SGCD: variants seen among roughly 807,000 people sequenced by gnomAD.
The protein encoded by SGCD is sarcoglycan delta.
SGCD carries 18 observed loss-of-function variants against 36.6 expected under a neutral mutation model. The observed-to-expected ratio is 0.49, with a 90% CI of 0.34 to 0.73. SGCD has a LOEUF of 0.73. Ranked by LOEUF, SGCD falls within the 30% of genes least tolerant of loss-of-function variation. SGCD has a pLI of 0.01. For missense variants in SGCD, 387 were observed against 346.7 expected (o/e 1.12, Z -0.92); for synonymous variants, 133 against 130.6 (o/e 1.02, Z -0.12).
rs1442046664 is a variant in SGCD, at chr5:156,766,165, T to C, written c.*6775T>C. On this transcript the variant is annotated 3_prime_UTR_variant, in exon 9 of 9. Coordinates refer to ENST00000337851, the MANE Select transcript of SGCD (RefSeq NM_000337.6). Reference sequence around the variant, plus strand: ...TTCTGCACACATACATCTCTTTCCTTTATACTTCCCTTCAAAAGACAAATA... The same window carrying C: ...TTCTGCACACATACATCTCTTTCCTCTATACTTCCCTTCAAAAGACAAATA... 6.6e-6 allele frequency: 1 copy of C among 152,132 alleles called. No homozygotes were observed. The highest frequency in any genetic ancestry group is 2.4e-5 in the African/African-American group (1 of 41,424). The allele number at this position is 152,132 out of a possible 1,614,324, so 9.4% of individuals were successfully genotyped here. A position where few individuals can be genotyped will look rare whatever the true frequency, so the allele number is the denominator to read the frequency against.
chr5:156,148,908 G>GC (rs1369439698), intron 3 of SGCD, among the ~76,000 whole-genome samples: 3 of 152,130 alleles, frequency 2.0e-5, no homozygotes, highest in Admixed American at 6.6e-5. Flanking sequence ...AGGTATATCC[G>GC]CAAGAGTGCT....
intron 1 of SGCD, among the ~76,000 whole-genome samples, chr5:155,908,591 T>A (rs1331495375): frequency 6.6e-6 from 1 of 152,144 alleles, no homozygotes; most frequent in East Asian, 1.9e-4. Flanking sequence ...TATTTCTACA[T>A]AATTCTAAAG....
intron 1 of SGCD, among the ~76,000 whole-genome samples, chr5:155,993,160 C>A (rs1379398395): frequency 6.6e-6 from 1 of 152,088 alleles, no homozygotes; most frequent in Non-Finnish European, 1.5e-5. Flanking sequence ...CCCATTTTCC[C>A]TTCAGTCCTT....
chr5:156,611,930 T>A (rs1761830413), intron 6 of SGCD, among the ~76,000 whole-genome samples: 1 of 152,240 alleles, frequency 6.6e-6, no homozygotes, highest in African/African-American at 2.4e-5. Flanking sequence ...TTTCTGGGGT[T>A]TTTATAATTA....
chr5:156,576,601 TATA>T (rs1759968759), intron 4 of SGCD, among the ~76,000 whole-genome samples: 1 of 152,250 alleles, frequency 6.6e-6, no homozygotes, highest in Non-Finnish European at 1.5e-5. Flanking sequence ...TTCCCAATTT[TATA>T]ATGATCGCCA....
At chr5:156,384,457 G>C (rs913609352) in intron 3 of SGCD, among the ~76,000 whole-genome samples, 5 of 152,084 alleles carry the variant, frequency 3.3e-5, no homozygotes, top group Non-Finnish European at 7.4e-5. Flanking sequence ...CTTTCACTAG[G>C]ATAGGAATTC....
chr5:156,272,387 G>A (rs1402386264), intron 3 of SGCD, among the ~76,000 whole-genome samples: 1 of 152,218 alleles, frequency 6.6e-6, no homozygotes, highest in African/African-American at 2.4e-5. Flanking sequence ...ATTCCGTGGT[G>A]TATATATACC....
At chr5:155,860,523 G>A in the SGCD span, among the ~76,000 whole-genome samples, 2 of 152,178 alleles carry the variant, frequency 1.3e-5, no homozygotes, top group African/African-American at 4.8e-5. Flanking sequence ...ATCAGAACTA[G>A]GAGCTTGATA....
chr5:156,639,712 C>T (rs1762957902), intron 6 of SGCD, among the ~76,000 whole-genome samples: 1 of 152,008 alleles, frequency 6.6e-6, no homozygotes, highest in South Asian at 2.1e-4. Context: ...CTTTTCTATT[C>T]CTCTCCTTAA....
intron 8 of SGCD, among the ~76,000 whole-genome samples, chr5:156,758,686 A>G (rs1490149397): frequency 6.6e-5 from 10 of 152,196 alleles, no homozygotes; most frequent in Admixed American, 6.5e-4. Flanking sequence ...TCGTAAATCT[A>G]ATGGCAGCTT....
intron 3 of SGCD, among the ~76,000 whole-genome samples, chr5:156,437,671 A>T (rs1044048467): frequency 6.6e-6 from 1 of 152,196 alleles, no homozygotes; most frequent in Non-Finnish European, 1.5e-5. Flanking sequence ...GACAAGACTG[A>T]TATTTATCTA....
chr5:156,734,468 A>G (rs1458928114), intron 7 of SGCD, among the ~76,000 whole-genome samples: 2 of 152,122 alleles, frequency 1.3e-5, no homozygotes, highest in African/African-American at 4.8e-5. Context: ...ATATCCTGGA[A>G]CATGTTTTCT....
upstream of SGCD, among the ~76,000 whole-genome samples, chr5:156,324,855 G>A (rs112881272): frequency 9.9e-5 from 15 of 152,236 alleles, no homozygotes; most frequent in Non-Finnish European, 1.3e-4. Flanking sequence ...GGAACCCCAC[G>A]TAGAAGTCTG....
At chr5:156,339,450 A>G (rs563384112) in intron 2 of SGCD, among the ~76,000 whole-genome samples, 1 of 152,364 alleles carries the variant, frequency 6.6e-6, no homozygotes, top group Admixed American at 6.5e-5. Context: ...GTTACTTATT[A>G]CTAGAGAATA....
At chr5:155,840,748 G>C in the SGCD span, among the ~76,000 whole-genome samples, 1 of 151,022 alleles carries the variant, frequency 6.6e-6, no homozygotes, top group Non-Finnish European at 1.5e-5. Context: ...GTGGTGGCTC[G>C]TGCCTGTAAT....
chr5:156,022,903 C>T (rs1262249597), intron 1 of SGCD, among the ~76,000 whole-genome samples: 3 of 152,166 alleles, frequency 2.0e-5, no homozygotes, highest in African/African-American at 7.2e-5. Flanking sequence ...ATGAATCGCA[C>T]AGAGTGAAAA....
chr5:156,120,551 A>C (rs1191628241), intron 2 of SGCD, among the ~76,000 whole-genome samples: 1 of 152,196 alleles, frequency 6.6e-6, no homozygotes, highest in Non-Finnish European at 1.5e-5. Context: ...AGTGCATGGC[A>C]AAGATTATAT....
intron 4 of SGCD, among the ~76,000 whole-genome samples, chr5:156,515,355 G>T (rs1286188000): frequency 6.6e-6 from 1 of 152,192 alleles, no homozygotes; most frequent in Admixed American, 6.5e-5. Flanking sequence ...AAACACACAT[G>T]GAGGGGTCAA....
the SGCD span, among the ~76,000 whole-genome samples, chr5:155,859,050 C>T: frequency 6.7e-6 from 1 of 150,304 alleles, no homozygotes; most frequent in Non-Finnish European, 1.5e-5. Context: ...TTTTTCATAT[C>T]AGGTTTTCTT....
Sources: allele counts gnomAD v4.1 joint callset (sites outside exome capture counted in the v4.1 genomes callset), GRCh38; gene constraint gnomAD v4.1.1; transcripts MANE v1.5; gene names NCBI Gene and HGNC (gene_info 2026-07-23, HGNC 2026-07-21).